Variants in NLE1 observed in about 807,000 individuals in gnomAD.
NLE1 encodes the protein notchless protein homolog 1.
NLE1 carries 37 observed loss-of-function variants against 62.8 expected under a neutral mutation model. That is an observed-to-expected ratio of 0.59 (90% CI 0.45 to 0.78). The LOEUF is 0.78. NLE1 is among the 30% of genes least tolerant of loss of function. The pLI is 0.00. For missense variants in NLE1, 555 were observed against 637.9 expected (o/e 0.87, Z 1.40); for synonymous variants, 243 against 253.0 (o/e 0.96, Z 0.37).
intron 12 of NLE1, 24 bp from the exon 13 acceptor site, chr17:35,132,473 G>A: frequency 2.2e-6 from 3 of 1,377,906 alleles, no homozygotes; most frequent in Non-Finnish European, 2.8e-6. Context: ...AAGGGTGTCA[G>A]GATGGGGATT....
chr17:35,137,833 G>A lies in NLE1; in HGVS notation c.518C>T (p.Ser173Leu). 6.2e-7 allele frequency: 1 copy of A among 1,613,472 alleles called. No individual in the cohort carries two copies. The highest frequency in any genetic ancestry group is 8.5e-7 in the Non-Finnish European group (1 of 1,179,654). Residue 173 changes from serine to leucine, a missense_variant, in exon 5 of 13, where the codon TCA (serine) becomes TTA (leucine). Ser to Leu is a moderately radical substitution (Grantham distance 145, BLOSUM62 -2). Transcript: ENST00000442241. ...SWSPDGRKLA[S>L]GCKNGQILLW... The stretch of plus-strand genomic sequence containing the variant: ...ACCTACCTGGCCATTCTTGCAGCCT[G>A]AGGCCAGCTTCCTGCCATCTGGAGA...
At position 35,136,484 on chromosome 17, in the gene NLE1, C is replaced by T. The variant is rs761984655; in HGVS notation, c.842G>A (p.Arg281Gln). ...VWRAHDGVLCRTLQGHGHWVN... is the reference protein window; with the variant it reads ...VWRAHDGVLCQTLQGHGHWVN... ...CCAGTGGCCGTGGCCTTGCAGAGTC[C>T]GGCACAGCACACCCTACGGGAGAGC... Residue 281 changes from arginine to glutamine, a missense_variant, in exon 8 of 13, where the codon CGG becomes CAG. By Grantham distance (43) the Arg-to-Gln change is conservative (BLOSUM62 1). Transcript: ENST00000442241. The T allele has an allele frequency of 5.6e-6, 9 of 1,613,608 alleles. No individual in the cohort carries two copies. Among genetic ancestry groups the T allele is most frequent in the East Asian group, 2.2e-5 (1 of 44,860 alleles).
intron 10 of NLE1, chr17:35,135,007 G>A (rs748855379): frequency 2.5e-5 from 15 of 598,400 alleles, no homozygotes; most frequent in African/African-American, 1.8e-4. Context: ...AGCCAAGATC[G>A]TGCCGCTGCA....
chr17:35,132,169 T>C lies in NLE1; in HGVS notation c.*268A>G. On this transcript the variant is annotated 3_prime_UTR_variant, in exon 13 of 13. Transcript: ENST00000442241. ...CCTGGCTGCCCACCACCCCTGTCTG[T>C]ACCAGCAAGGTACAGAGTAGCAGAC... is the stretch of plus-strand genomic sequence containing the variant. 3.0e-6 allele frequency: 1 copy of C among 327,958 alleles called. No homozygotes were observed. The highest frequency in any genetic ancestry group is 1.4e-4 in the South Asian group (1 of 7,016). The allele number at this position is 327,958 out of a possible 1,614,324, so 20.3% of individuals were successfully genotyped here. A position where few individuals can be genotyped will look rare whatever the true frequency, so the allele number is the denominator to read the frequency against.
At chr17:35,140,527 C>G (rs112042456) in intron 2 of NLE1, among the ~76,000 whole-genome samples, 1 of 152,104 alleles carries the variant, frequency 6.6e-6, no homozygotes, top group Non-Finnish European at 1.5e-5. Context: ...CTGTGCCCAG[C>G]CTAGCAAGAC....
Position 35,129,457 on chromosome 17 carries a change from C to A in NLE1, c.*2980G>T. ...CCTACGCCTTGGGCAAGCAGCCGGT[C>A]AGTTTCTACCAGCTCCTGTTACAGG... On this transcript the variant is annotated 3_prime_UTR_variant, in exon 13 of 13. Coordinates refer to ENST00000442241, the MANE Select transcript of NLE1 (RefSeq NM_018096.5). 1.2e-6 allele frequency: 2 copies of A among 1,614,102 alleles called. No individual in the cohort carries two copies. Among genetic ancestry groups the A allele is most frequent in the South Asian group, 2.2e-5 (2 of 91,040 alleles).
At chr17:35,137,229 T>C (rs370419699) in intron 6 of NLE1, 36 bp from the exon 7 acceptor site, 1 of 1,555,088 alleles carries the variant, frequency 6.4e-7, no homozygotes, top group Non-Finnish European at 8.8e-7. Flanking sequence ...ATCTGTGACC[T>C]GGCAACATCT....
At chr17:35,133,647 C>T (rs1298976337) in intron 10 of NLE1, 149 bp from the exon 11 acceptor site, 2 of 712,674 alleles carry the variant, frequency 2.8e-6, no homozygotes, top group African/African-American at 3.6e-5. Context: ...ACTGCCTGGT[C>T]CCCATCCCAG....
intron 1 of NLE1, 22 bp downstream of exon 1, chr17:35,142,236 G>A (rs992830209): frequency 2.8e-5 from 43 of 1,550,290 alleles, no homozygotes; most frequent in Non-Finnish European, 3.6e-5. Flanking sequence ...GACGCCCCCC[G>A]CCCCCATCCA....
Position 35,129,334 on chromosome 17 carries a change from T to C in NLE1, c.*3103A>G, listed in dbSNP as rs1033139630. 2.2e-5 allele frequency: 33 copies of C among 1,525,262 alleles called. No individual in the cohort carries two copies. In the Admixed American group the frequency reaches 3.2e-4, roughly 15 times the overall value. The allele number at this position is 1,525,262 out of a possible 1,614,324, so 94.5% of individuals were successfully genotyped here. A position where few individuals can be genotyped will look rare whatever the true frequency, so the allele number is the denominator to read the frequency against. On this transcript the variant is annotated 3_prime_UTR_variant, in exon 13 of 13. Coordinates refer to ENST00000442241, the MANE Select transcript of NLE1 (RefSeq NM_018096.5). Reference sequence around the variant, plus strand: ...CCCCAGCAGGAGCAGGGGATGGGCATGGGACGTCCTGACCCCAGTTGGGAG... The same window carrying C: ...CCCCAGCAGGAGCAGGGGATGGGCACGGGACGTCCTGACCCCAGTTGGGAG...
At chr17:35,132,867 G>A (rs2091885099) in intron 12 of NLE1, among the ~76,000 whole-genome samples, 1 of 152,186 alleles carries the variant, frequency 6.6e-6, no homozygotes, top group South Asian at 2.1e-4. Context: ...AGAAAGACCT[G>A]GATGCGCCCT....
Position 35,130,038 on chromosome 17 carries a change from G to T in NLE1, c.*2399C>A. 7.2e-7 allele frequency: 1 copy of T among 1,397,414 alleles called. No individual in the cohort carries two copies. Among genetic ancestry groups the T allele is most frequent in the Non-Finnish European group, 9.3e-7 (1 of 1,078,636 alleles). The allele number at this position is 1,397,414 out of a possible 1,614,324, so 86.6% of individuals were successfully genotyped here. ...AAGAAGGGAACAGCCTGGGTATGGGGTAGGGGTATGGGGGTATAGAGGCCT... is the reference window on the plus strand; with the variant it reads ...AAGAAGGGAACAGCCTGGGTATGGGTTAGGGGTATGGGGGTATAGAGGCCT... On this transcript the variant is annotated 3_prime_UTR_variant, in exon 13 of 13. Coordinates refer to ENST00000442241, the MANE Select transcript of NLE1 (RefSeq NM_018096.5).
intron 10 of NLE1, chr17:35,135,010 C>A: frequency 1.7e-6 from 1 of 605,716 alleles, no homozygotes; most frequent in East Asian, 3.6e-5. Flanking sequence ...CAAGATCGTG[C>A]CGCTGCACTC....
At position 35,129,292 on chromosome 17, in the gene NLE1, C is replaced by T; in HGVS notation, c.*3145G>A. 8.4e-7 allele frequency: 1 copy of T among 1,197,594 alleles called. No homozygotes were observed. Among genetic ancestry groups the T allele is most frequent in the East Asian group, 2.3e-5 (1 of 42,668 alleles). 74.2% of individuals were successfully genotyped at this position (1,197,594 alleles called of 1,614,324 possible). ...CAGTGCTGCAGTACCTTGCACCTTC[C>T]ATCTGACCTGCCTGGGCCCCAGCAG... On this transcript the variant is annotated 3_prime_UTR_variant, in exon 13 of 13. Transcript: ENST00000442241.
Position 35,135,265 on chromosome 17 carries a change from C to G in NLE1, c.1198G>C (p.Asp400His). ...CCTACTCACTTGCCCGTCCTGCCAT[C>G]CCACAGCTTGATGGACTTGTCAAAG... ...ASFDKSIKLW[D>H]GRTGKYLASL... The change falls in exon 10 of 13, where the codon GAT (aspartate) becomes CAT (histidine). Residue 400 changes from aspartate (D) to histidine (H), a missense_variant. By Grantham distance (81) the Asp-to-His change is moderately conservative. Transcript: ENST00000442241. The G allele has an allele frequency of 2.5e-6, 4 of 1,614,178 alleles. No individual in the cohort carries two copies. In the South Asian group the frequency reaches 4.4e-5, roughly 18 times the overall value.
In NLE1 at chr17:35,136,414, C is replaced by T. The variant is rs772204935; in HGVS notation, c.912G>A (p.Gly304=). The change falls in exon 8 of 13, where the codon GGG becomes GGA. Residue 304 remains glycine (G), a synonymous_variant. Coordinates refer to ENST00000442241, the MANE Select transcript of NLE1 (RefSeq NM_018096.5). ...CTGAGGCCTCAGCAGGTTCAAAGGCCCCAGTGCGCAGGGCATAGTCAGTGC... is the reference window on the plus strand; with the variant it reads ...CTGAGGCCTCAGCAGGTTCAAAGGCTCCAGTGCGCAGGGCATAGTCAGTGC... The part of the protein sequence containing the change: ...ALSTDYALRT[G]AFEPAEASVN... 5.0e-6 allele frequency: 8 copies of T among 1,613,974 alleles called. No individual in the cohort carries two copies. In the East Asian group the frequency reaches 8.9e-5, roughly 18 times the overall value.
chr17:35,136,403 G>T lies in NLE1; in HGVS notation c.923C>A (p.Pro308His), dbSNP rs1246467675. Residue 308 changes from proline to histidine, a missense_variant, in exon 8 of 13, where the codon CCT becomes CAT. Physicochemically the swap from Pro to His is moderately conservative, Grantham distance 77. Coordinates refer to ENST00000442241, the MANE Select transcript of NLE1 (RefSeq NM_018096.5). ...TTGGGGATTAACTGAGGCCTCAGCA[G>T]GTTCAAAGGCCCCAGTGCGCAGGGC... is the stretch of plus-strand genomic sequence containing the variant. ...DYALRTGAFE[P>H]AEASVNPQDL... 1 of 1,614,074 alleles carries T rather than the reference G, an allele frequency of 6.2e-7. No homozygotes were observed. Among genetic ancestry groups the T allele is most frequent in the African/African-American group, 1.3e-5 (1 of 75,046 alleles).
In NLE1 at chr17:35,131,387, C is replaced by A. The variant is rs975469541; in HGVS notation, c.*1050G>T. 6.6e-6 allele frequency: 1 copy of A among 152,240 alleles called. No individual in the cohort carries two copies. The highest frequency in any genetic ancestry group is 1.5e-5 in the Non-Finnish European group (1 of 68,058). 9.4% of individuals were successfully genotyped at this position (152,240 alleles called of 1,614,324 possible). On this transcript the variant is annotated 3_prime_UTR_variant, in exon 13 of 13. Coordinates refer to ENST00000442241, the MANE Select transcript of NLE1 (RefSeq NM_018096.5). The stretch of plus-strand genomic sequence containing the variant: ...GTTTATACAAGGATGGTTTGGAAAT[C>A]CAATCTGAGTAGTTCAGACCATGAC...
At chr17:35,140,941 T>C (rs184371005) in intron 2 of NLE1, among the ~76,000 whole-genome samples, 7 of 152,318 alleles carry the variant, frequency 4.6e-5, no homozygotes, top group African/African-American at 1.4e-4. Flanking sequence ...GATACTAATA[T>C]TCCCACTGAC....
Sources: gnomAD v4.1 joint callset for allele counts (sites outside exome capture counted in the v4.1 genomes callset) on GRCh38, gnomAD v4.1.1 for gene constraint, MANE v1.5 for transcripts, NCBI Gene and HGNC (gene_info 2026-07-23, HGNC 2026-07-21) for gene names.